The following CAST variants were observed in gnomAD, a reference collection of about 807,000 sequenced individuals.
CAST encodes MIR583 host.
CAST carries 76 observed loss-of-function variants against 119.6 expected under a neutral mutation model. The ratio of observed to expected loss-of-function variants is 0.64; its 90% CI spans 0.53 to 0.77. The LOEUF (loss-of-function observed/expected upper bound fraction) is 0.77, where lower values mean the gene tolerates loss of function less well. Ranked by LOEUF, CAST falls within the 30% of genes least tolerant of loss-of-function variation. The probability of loss-of-function intolerance (pLI) is 0.00; values close to 1 mark genes in which losing one functional copy is unlikely to be tolerated. For synonymous variants in CAST, 319 were observed against 331.6 expected, an observed-to-expected ratio of 0.96 and a Z score of 0.41; for missense variants, 953 against 946.5, an observed-to-expected ratio of 1.01 and a Z score of -0.09.
chr5:96,297,012 G>A, the CAST span, among the ~76,000 whole-genome samples: 16 of 150,598 alleles, frequency 1.1e-4, no homozygotes, highest in Non-Finnish European at 2.1e-4. Context: ...TCTGGTGTCA[G>A]TTATAAAATC....
chr5:96,295,624 G>A, the CAST span, among the ~76,000 whole-genome samples: 5 of 152,048 alleles, frequency 3.3e-5, no homozygotes, highest in African/African-American at 7.2e-5. Context: ...ATCGACCTAC[G>A]ATATTTCTTC....
At chr5:96,393,070 A>G in the CAST span, 6 of 1,613,910 alleles carry the variant, frequency 3.7e-6, no homozygotes, top group Admixed American at 6.7e-5. Flanking sequence ...TGTAAGGTTT[A>G]GTGTTATAAA....
chr5:96,364,519 CAG>C, the CAST span, among the ~76,000 whole-genome samples: 1 of 152,180 alleles, frequency 6.6e-6, no homozygotes, highest in African/African-American at 2.4e-5. Context: ...TTGGCCTATT[CAG>C]AGATTCAACT....
chr5:96,540,076 C>T (rs1686003453), intron 1 of CAST, among the ~76,000 whole-genome samples: 1 of 152,010 alleles, frequency 6.6e-6, no homozygotes, highest in Admixed American at 6.6e-5. Context: ...AATCTTATAA[C>T]AATATATTCC....
the CAST span, among the ~76,000 whole-genome samples, chr5:96,292,097 G>A: frequency 6.6e-6 from 1 of 151,892 alleles, no homozygotes; most frequent in Non-Finnish European, 1.5e-5. Flanking sequence ...GCAAACACTG[G>A]AAGAAAAAAG....
chr5:96,193,301 C>T, the CAST span, among the ~76,000 whole-genome samples: 209 of 151,904 alleles, frequency 1.4e-3, no homozygotes, highest in Non-Finnish European at 1.2e-3. Context: ...TGATATCATG[C>T]GATATTTATT....
At chr5:96,476,969 T>G in the CAST span, among the ~76,000 whole-genome samples, 3 of 151,540 alleles carry the variant, frequency 2.0e-5, no homozygotes, top group Admixed American at 2.0e-4. Context: ...CAGAGCCCTT[T>G]TAATTAAGTC....
chr5:96,762,345 A>G lies in CAST; in HGVS notation c.1905A>G (p.Gln635=). 2 of 1,604,920 alleles carry G rather than the reference A, an allele frequency of 1.2e-6. No individual in the cohort carries two copies. The highest frequency in any genetic ancestry group is 1.7e-6 in the Non-Finnish European group (2 of 1,176,644). Residue 635 remains glutamine, a synonymous_variant, in exon 25 of 32, where the codon CAA becomes CAG. Coordinates refer to ENST00000675179, the MANE Select transcript of CAST (RefSeq NM_001750.7). ...VVSQTPASTT[Q]AGAPPRDTSQ... ...CCCAAACCCCAGCTTCAACGACCCA[A>G]GCTGGAGCCCCACCCCGTGATACCT...
chr5:96,727,583 G>A, intron 6 of CAST, 53 bp downstream of exon 6: 1 of 1,185,004 alleles, frequency 8.4e-7, no homozygotes, highest in Non-Finnish European at 1.2e-6. Context: ...TAATAATAAT[G>A]AATAATCAAC....
At chr5:96,392,826 CT>C in the CAST span, 1 of 684,596 alleles carries the variant, frequency 1.5e-6, no homozygotes, top group Non-Finnish European at 2.6e-6. Context: ...GGAAGTTGAA[CT>C]TCCTGCTTGA....
intron 2 of CAST, among the ~76,000 whole-genome samples, chr5:96,694,324 A>G (rs1753039013): frequency 6.6e-6 from 1 of 152,192 alleles, no homozygotes; most frequent in African/African-American, 2.4e-5. Flanking sequence ...CTTGGAGCAT[A>G]TCACCATTTT....
At chr5:96,717,152 T>G (rs1198593574) in intron 3 of CAST, among the ~76,000 whole-genome samples, 1 of 152,228 alleles carries the variant, frequency 6.6e-6, no homozygotes, top group Non-Finnish European at 1.5e-5. Context: ...GGAGTAGAAA[T>G]GACCTCTGCC....
chr5:96,139,758 G>T, the CAST span, among the ~76,000 whole-genome samples: 1 of 151,606 alleles, frequency 6.6e-6, no homozygotes. Flanking sequence ...CATATTCTAG[G>T]TCCGACCATG....
At chr5:96,474,066 C>T in the CAST span, among the ~76,000 whole-genome samples, 4 of 152,120 alleles carry the variant, frequency 2.6e-5, no homozygotes, top group Admixed American at 6.5e-5. Flanking sequence ...GGGAGGAAAG[C>T]GGGGGAAATC....
Position 96,748,529 on chromosome 5 carries a change from A to G in CAST, c.1344A>G (p.Glu448=). The part of the protein sequence containing the change: ...EPEEKPKPRS[E]SELIDELSED... ...TTCTTATATTACAGCCTCGGAGTGA[A>G]TCAGAACTCATTGATGAACTTTCAG... Residue 448 remains glutamate (E), a synonymous_variant, in exon 19 of 32, where the codon GAA becomes GAG. Transcript: ENST00000675179. 1 of 1,539,348 alleles carries G rather than the reference A, an allele frequency of 6.5e-7. No individual in the cohort carries two copies. The highest frequency in any genetic ancestry group is 9.0e-7 in the Non-Finnish European group (1 of 1,112,388).
At chr5:96,091,945 A>G in the CAST span, among the ~76,000 whole-genome samples, 16 of 152,188 alleles carry the variant, frequency 1.1e-4, no homozygotes, top group Admixed American at 2.0e-4. Context: ...GGCTGTCTCC[A>G]TTTGATGGTG....
At chr5:95,999,333 C>T in the CAST span, among the ~76,000 whole-genome samples, 3 of 152,004 alleles carry the variant, frequency 2.0e-5, no homozygotes, top group Non-Finnish European at 2.9e-5. Context: ...TGTATGGATA[C>T]GCCATATTCA....
At chr5:96,593,429 G>T (rs1012490147) in intron 1 of CAST, among the ~76,000 whole-genome samples, 12 of 152,090 alleles carry the variant, frequency 7.9e-5, no homozygotes, top group Non-Finnish European at 1.8e-4. Context: ...ATTGAGCCTT[G>T]TACTCTGAAG....
the CAST span, among the ~76,000 whole-genome samples, chr5:96,494,267 A>G: frequency 2.0e-5 from 3 of 152,240 alleles, no homozygotes; most frequent in Admixed American, 2.0e-4. Flanking sequence ...GGTAGCTTTC[A>G]GTATGTATGA....
Sources: gnomAD v4.1 joint callset for allele counts (sites outside exome capture counted in the v4.1 genomes callset) on GRCh38, gnomAD v4.1.1 for gene constraint, MANE v1.5 for transcripts, NCBI Gene and HGNC (gene_info 2026-07-23, HGNC 2026-07-21) for gene names.